Variants in DRC11 observed in about 807,000 individuals in gnomAD.
The protein encoded by DRC11 is IQ and AAA domain-containing protein 1.
chr2:236,491,123 GTATATATATATA>G, the DRC11 span, among the ~76,000 whole-genome samples: 4 of 57,340 alleles, frequency 7.0e-5, no homozygotes, highest in Non-Finnish European at 1.3e-4. Context: ...TATACAGTGT[GTATATATATATA>G]TATACAGTAT....
chr2:236,316,244 C>T, the DRC11 span, among the ~76,000 whole-genome samples: 1 of 151,898 alleles, frequency 6.6e-6, no homozygotes, highest in South Asian at 2.1e-4. This position sits in a 1 kb window ranked among gnomAD's most constrained non-coding sequence, Gnocchi z 6.8. Flanking sequence ...CTCACTGCAA[C>T]CTCTGCCTCC....
the DRC11 span, among the ~76,000 whole-genome samples, chr2:236,421,406 C>T: frequency 6.6e-6 from 1 of 152,260 alleles, no homozygotes. Flanking sequence ...GAAATACAAA[C>T]TACCATCAGA....
chr2:236,418,088 C>A, the DRC11 span, among the ~76,000 whole-genome samples: 2 of 152,260 alleles, frequency 1.3e-5, no homozygotes, highest in Non-Finnish European at 2.9e-5. Context: ...TGGGTATATA[C>A]CAGTAATGGG....
chr2:236,396,642 T>C, the DRC11 span, among the ~76,000 whole-genome samples: 4 of 152,196 alleles, frequency 2.6e-5, no homozygotes, highest in African/African-American at 4.8e-5. Context: ...TTTGCTTGTA[T>C]AGAAATAATA....
chr2:236,312,039 T>A, the DRC11 span, among the ~76,000 whole-genome samples: 1 of 152,194 alleles, frequency 6.6e-6, no homozygotes, highest in Non-Finnish European at 1.5e-5. Context: ...ATATTTTAAA[T>A]CATTAATTGA....
chr2:236,484,302 A>C, the DRC11 span, among the ~76,000 whole-genome samples: 3 of 152,244 alleles, frequency 2.0e-5, no homozygotes, highest in African/African-American at 7.2e-5. Context: ...AAATTATTTA[A>C]GTCATGATTC....
At chr2:236,318,238 G>C in the DRC11 span, among the ~76,000 whole-genome samples, 61 of 151,612 alleles carry the variant, frequency 4.0e-4, no homozygotes, top group Non-Finnish European at 6.3e-4. This position sits in a 1 kb window ranked among gnomAD's most constrained non-coding sequence, Gnocchi z 7.0. Context: ...CTGCTTTCCC[G>C]CTGCACTCGA....
At chr2:236,435,953 A>C in the DRC11 span, among the ~76,000 whole-genome samples, 2 of 152,230 alleles carry the variant, frequency 1.3e-5, no homozygotes, top group South Asian at 4.1e-4. Flanking sequence ...AAGCACATAC[A>C]CATGAAAAGT....
the DRC11 span, among the ~76,000 whole-genome samples, chr2:236,473,658 T>C: frequency 6.6e-6 from 1 of 152,180 alleles, no homozygotes. This position sits in a 1 kb window ranked among gnomAD's most constrained non-coding sequence, Gnocchi z 4.8. Flanking sequence ...AATCATTAAG[T>C]TTCCTTCTAC....
At chr2:236,482,215 C>G in the DRC11 span, among the ~76,000 whole-genome samples, 17 of 151,788 alleles carry the variant, frequency 1.1e-4, no homozygotes, top group African/African-American at 3.9e-4. The surrounding 1 kb of genome is among the most constrained non-coding windows in gnomAD (Gnocchi z 4.5). Flanking sequence ...CAGAAACATA[C>G]TTTTTAATGC....
chr2:236,391,976 C>A, the DRC11 span: 5 of 1,613,606 alleles, frequency 3.1e-6, no homozygotes, highest in Non-Finnish European at 4.2e-6. The surrounding 1 kb of genome is among the most constrained non-coding windows in gnomAD (Gnocchi z 4.5). Flanking sequence ...CCCCACTCAC[C>A]TTGTCCTTTT....
At chr2:236,472,632 C>T in the DRC11 span, among the ~76,000 whole-genome samples, 3 of 152,180 alleles carry the variant, frequency 2.0e-5, no homozygotes, top group African/African-American at 7.2e-5. This position sits in a 1 kb window ranked among gnomAD's most constrained non-coding sequence, Gnocchi z 4.6. Flanking sequence ...TAATTAATAT[C>T]AGCCAGCATT....
chr2:236,382,444 C>T, the DRC11 span, among the ~76,000 whole-genome samples: 1 of 152,118 alleles, frequency 6.6e-6, no homozygotes, highest in African/African-American at 2.4e-5. Context: ...ATTACCTTTC[C>T]ATAAAAATTT....
chr2:236,342,314 A>G, the DRC11 span, among the ~76,000 whole-genome samples: 1 of 152,168 alleles, frequency 6.6e-6, no homozygotes, highest in Non-Finnish European at 1.5e-5. The surrounding 1 kb of genome is among the most constrained non-coding windows in gnomAD (Gnocchi z 5.8). Flanking sequence ...AGGAAGGACT[A>G]GGCTCCCTAG....
the DRC11 span, among the ~76,000 whole-genome samples, chr2:236,485,369 T>C: frequency 6.6e-6 from 1 of 152,156 alleles, no homozygotes; most frequent in African/African-American, 2.4e-5. Context: ...GGGCTCTGTA[T>C]GTTATTAGCG....
At chr2:236,444,032 T>C in the DRC11 span, among the ~76,000 whole-genome samples, 2 of 151,952 alleles carry the variant, frequency 1.3e-5, no homozygotes, top group African/African-American at 2.4e-5. Flanking sequence ...CACTTTTTAA[T>C]GGGGTTGTTT....
the DRC11 span, among the ~76,000 whole-genome samples, chr2:236,337,386 C>T: frequency 5.3e-5 from 8 of 152,214 alleles, no homozygotes; most frequent in African/African-American, 1.4e-4. The surrounding 1 kb of genome is among the most constrained non-coding windows in gnomAD (Gnocchi z 4.9). Flanking sequence ...ACCTTCTTCT[C>T]TTCCTCTACC....
chr2:236,477,160 G>A, the DRC11 span, among the ~76,000 whole-genome samples: 1 of 152,016 alleles, frequency 6.6e-6, no homozygotes, highest in African/African-American at 2.4e-5. Flanking sequence ...TGGGGGTTAG[G>A]AGTGCTGGTG....
chr2:236,498,451 G>A, the DRC11 span, among the ~76,000 whole-genome samples: 56 of 146,356 alleles, frequency 3.8e-4, no homozygotes, highest in East Asian at 8.5e-3. Context: ...GCAACAGAGC[G>A]AGACTGTCTT....
Sources: allele counts gnomAD v4.1 joint callset (sites outside exome capture counted in the v4.1 genomes callset), GRCh38; gene constraint gnomAD v4.1.1; non-coding constraint Gnocchi (gnomAD v3.1); transcripts MANE v1.5; gene names NCBI Gene and HGNC (gene_info 2026-07-23, HGNC 2026-07-21).